Variants in MALRD1 observed in about 807,000 individuals in gnomAD.
MALRD1 encodes MAM and LDL-receptor class A domain-containing protein 1.
Under a neutral mutation model 242.1 loss-of-function variants are expected in MALRD1, and 247 were observed. That is an observed-to-expected ratio of 1.02 (90% CI 0.92 to 1.13). The LOEUF (loss-of-function observed/expected upper bound fraction) is 1.13. Ranked by LOEUF, MALRD1 falls within the 50% of genes most tolerant of loss-of-function variation. The probability of loss-of-function intolerance (pLI) is 0.00; values close to 1 mark genes in which losing one functional copy is unlikely to be tolerated. For synonymous variants in MALRD1, 995 were observed against 866.6 expected (o/e 1.15, Z -2.60); for missense variants, 2,989 against 2,533.1 (o/e 1.18, Z -3.86).
At chr10:19,216,712 G>A (rs1231542780) in intron 18 of MALRD1, among the ~76,000 whole-genome samples, 8 of 151,388 alleles carry the variant, frequency 5.3e-5, no homozygotes, top group African/African-American at 9.7e-5. Flanking sequence ...TTGGGAGGCC[G>A]AGGTGGGTGG....
intron 29 of MALRD1, chr10:19,489,408 A>G (rs375824167): frequency 3.6e-6 from 2 of 557,962 alleles, no homozygotes; most frequent in East Asian, 4.8e-5. Flanking sequence ...GATTAATACT[A>G]TGTACCATGT....
chr10:19,421,957 G>A (rs1833733493), intron 28 of MALRD1, among the ~76,000 whole-genome samples: 1 of 152,162 alleles, frequency 6.6e-6, no homozygotes, highest in Admixed American at 6.6e-5. Flanking sequence ...GTAGCAAATT[G>A]CCTTTGATGA....
intron 29 of MALRD1, among the ~76,000 whole-genome samples, chr10:19,475,749 A>G (rs1472673971): frequency 2.0e-5 from 3 of 152,212 alleles, no homozygotes; most frequent in African/African-American, 7.2e-5. Context: ...CATAAATTGA[A>G]CATTATGTAA....
At chr10:19,344,116 TG>T (rs1844002126) in intron 24 of MALRD1, among the ~76,000 whole-genome samples, 1 of 152,142 alleles carries the variant, frequency 6.6e-6, no homozygotes, top group Non-Finnish European at 1.5e-5. Context: ...TTGTCTTTTT[TG>T]TTCTTTTAAC....
chr10:19,122,065 G>A (rs1837085053), intron 5 of MALRD1, among the ~76,000 whole-genome samples: 1 of 152,198 alleles, frequency 6.6e-6, no homozygotes, highest in African/African-American at 2.4e-5. Context: ...GCTAGAGTAA[G>A]TGAAGGGATG....
rs1002259381 is a variant in MALRD1 at position 19,485,716 on chromosome 10, TGATA to T, written c.5030-5796_5030-5793del. 5.3e-5 allele frequency among the ~76,000 whole-genome samples: 8 copies of T among 152,154 alleles called. 1 individual carries two copies. In the East Asian group the frequency reaches 9.6e-4, roughly 18 times the overall value. ...TTTTTAAAAAAGCAATTAATTTTAT[TGATA>T]GATATCAAAAGCCCTAAAAGAGACA... On this transcript the variant is annotated intron_variant, in intron 29 of 39. Coordinates refer to ENST00000454679, the MANE Select transcript of MALRD1 (RefSeq NM_001142308.3).
chr10:19,292,403 T>C (rs1199204971), intron 21 of MALRD1, among the ~76,000 whole-genome samples: 1 of 152,166 alleles, frequency 6.6e-6, no homozygotes, highest in East Asian at 1.9e-4. Flanking sequence ...TAGAACTTGC[T>C]TACAGGTGGT....
At chr10:19,505,619 A>C (rs1833085286) in intron 31 of MALRD1, among the ~76,000 whole-genome samples, 1 of 152,214 alleles carries the variant, frequency 6.6e-6, no homozygotes, top group Non-Finnish European at 1.5e-5. Flanking sequence ...CAGTGCTAGC[A>C]GACTAATACA....
intron 35 of MALRD1, among the ~76,000 whole-genome samples, chr10:19,613,547 C>G (rs1157801423): frequency 6.6e-6 from 1 of 152,000 alleles, no homozygotes; most frequent in Non-Finnish European, 1.5e-5. Context: ...CAACCCCACC[C>G]TAATCCTTTA....
At chr10:19,066,924 C>G in intron 2 of MALRD1, 65 bp downstream of exon 2, 1 of 1,163,236 alleles carries the variant, frequency 8.6e-7, no homozygotes, top group Non-Finnish European at 1.1e-6. Flanking sequence ...CCCTCCCTTC[C>G]TTCTTCGTTC....
At chr10:19,315,629 ATAT>A (rs1277313365) in intron 21 of MALRD1, among the ~76,000 whole-genome samples, 20 of 118,004 alleles carry the variant, frequency 1.7e-4, no homozygotes, top group South Asian at 1.2e-3. Flanking sequence ...TAAATTATAA[ATAT>A]TATTTATATA....
chr10:19,204,233 G>A (rs1413315058), intron 15 of MALRD1, 75 bp from the exon 16 acceptor site: 1 of 927,330 alleles, frequency 1.1e-6, no homozygotes, highest in Non-Finnish European at 1.6e-6. Context: ...CTCAGTGTAG[G>A]GTTAAGAGAC....
intron 38 of MALRD1, among the ~76,000 whole-genome samples, chr10:19,694,861 G>T (rs1352444014): frequency 1.3e-5 from 2 of 152,154 alleles, no homozygotes; most frequent in African/African-American, 4.8e-5. Context: ...AGAAAATGTG[G>T]CACACATACA....
At chr10:19,105,400 T>G (rs1836428786) in intron 5 of MALRD1, among the ~76,000 whole-genome samples, 1 of 152,074 alleles carries the variant, frequency 6.6e-6, no homozygotes, top group East Asian at 1.9e-4. Context: ...CACATTTTCT[T>G]TATCCATTTG....
intron 33 of MALRD1, among the ~76,000 whole-genome samples, chr10:19,592,962 T>A (rs1016856176): frequency 6.6e-6 from 1 of 151,598 alleles, no homozygotes; most frequent in African/African-American, 2.4e-5. Flanking sequence ...CTTTTCAACC[T>A]TTGGTGAGCT....
chr10:19,363,124 T>C (rs1844961445), intron 26 of MALRD1, among the ~76,000 whole-genome samples: 1 of 151,926 alleles, frequency 6.6e-6, no homozygotes, highest in South Asian at 2.1e-4. Context: ...AATCTAAGCT[T>C]TGAGGGAGGC....
intron 21 of MALRD1, among the ~76,000 whole-genome samples, chr10:19,293,703 A>T (rs1279396936): frequency 6.6e-6 from 1 of 152,178 alleles, no homozygotes; most frequent in Non-Finnish European, 1.5e-5. Context: ...GAGCTAAATG[A>T]TAAGAACTCT....
chr10:19,563,188 C>G (rs187748726), intron 32 of MALRD1, among the ~76,000 whole-genome samples: 23 of 152,222 alleles, frequency 1.5e-4, no homozygotes, highest in African/African-American at 5.1e-4. Flanking sequence ...TCTTACCCTA[C>G]AATCATACAT....
intron 1 of MALRD1, among the ~76,000 whole-genome samples, chr10:19,057,306 G>A (rs1338520235): frequency 6.6e-6 from 1 of 152,132 alleles, no homozygotes; most frequent in African/African-American, 2.4e-5. Flanking sequence ...CCATCAAGGT[G>A]CCAGCAGATT....
Sources: allele counts gnomAD v4.1 joint callset (sites outside exome capture counted in the v4.1 genomes callset), GRCh38; gene constraint gnomAD v4.1.1; transcripts MANE v1.5; gene names NCBI Gene and HGNC (gene_info 2026-07-23, HGNC 2026-07-21).